LYSMD1: variants seen among roughly 807,000 people sequenced by gnomAD.
LYSMD1 encodes LysM domain containing 1.
In LYSMD1, 9 loss-of-function variants were observed where a neutral mutation model predicts 19.3. That is an observed-to-expected ratio of 0.47 (90% CI 0.28 to 0.81). LYSMD1 has a LOEUF of 0.81. Among genes scored for constraint, LYSMD1 ranks in the 40% least tolerant of loss-of-function variants. The pLI is 0.11. For synonymous variants in LYSMD1, 111 were observed against 111.7 expected (o/e 0.99, Z 0.04); for missense variants, 262 against 279.8 (o/e 0.94, Z 0.45).
In LYSMD1 at chr1:151,162,057, G is replaced by C; in HGVS notation, c.224C>G (p.Ser75Cys). Residue 75 changes from serine to cysteine, a missense_variant, in exon 2 of 3, where the codon TCC becomes TGC. Physicochemically the swap from Ser to Cys is moderately radical, Grantham distance 112 (BLOSUM62 -1). Transcript: ENST00000368908. ...GTAGAGGGTTTTCTTCAGGAAGATG[G>C]AGTCATTAGTATAAAGGCGGTTTGC... Reference protein sequence around the residue: ...KRANRLYTNDSIFLKKTLYIP... With the variant: ...KRANRLYTNDCIFLKKTLYIP... 6.2e-7 allele frequency: 1 copy of C among 1,611,678 alleles called. No homozygotes were observed. The highest frequency in any genetic ancestry group is 8.5e-7 in the Non-Finnish European group (1 of 1,179,466).
At chr1:151,163,589 C>T (rs979955409) in intron 1 of LYSMD1, among the ~76,000 whole-genome samples, 36 of 151,868 alleles carry the variant, frequency 2.4e-4, no homozygotes, top group Non-Finnish European at 2.9e-4. Flanking sequence ...AGTGTAGTGG[C>T]GCGATCTCGG....
In LYSMD1 at chr1:151,161,861, T is replaced by C. The variant is rs1572067417; in HGVS notation, c.420A>G (p.Thr140=). 1.9e-6 allele frequency: 3 copies of C among 1,613,944 alleles called. No homozygotes were observed. The highest frequency in any genetic ancestry group is 2.5e-6 in the Non-Finnish European group (3 of 1,179,976). ...TGGGCGTGGGGGTTTCCTGGCCAGG[T>C]GTGGGGAGGACTTCACCATTGGCAC... is the stretch of plus-strand genomic sequence containing the variant. ...AGRANGEVLP[T]PGQETPTPIH... The change falls in exon 2 of 3, where the codon ACA becomes ACG. Residue 140 remains threonine, a synonymous_variant. Transcript: ENST00000368908.
rs57906452 is a variant in LYSMD1 at position 151,163,878 on chromosome 1, TTGTG to T, written c.180+1197_180+1200del. ...TTTAATCTTTTCTGATTTCCTATCTTTGTGTGTGTGTGTGTGTGTGTGTGTGTGT... is the reference window on the plus strand; with the variant it reads ...TTTAATCTTTTCTGATTTCCTATCTTTGTGTGTGTGTGTGTGTGTGTGTGT... On this transcript the variant is annotated intron_variant, in intron 1 of 2. Coordinates refer to ENST00000368908, the MANE Select transcript of LYSMD1 (RefSeq NM_212551.5). 5.2e-3 allele frequency among the ~76,000 whole-genome samples: 735 copies of T among 142,014 alleles called. 6 individuals are homozygous for T. The highest frequency in any genetic ancestry group is 0.014 in the African/African-American group (558 of 38,954). 93.2% of individuals were successfully genotyped at this position (142,014 alleles called of 152,430 possible). A position where few individuals can be genotyped will look rare whatever the true frequency, so the allele number is the denominator to read the frequency against.
At chr1:151,151,786 G>A in the LYSMD1 span, among the ~76,000 whole-genome samples, 3 of 151,626 alleles carry the variant, frequency 2.0e-5, no homozygotes, top group Non-Finnish European at 2.9e-5. Flanking sequence ...AAAATTAGCC[G>A]GGCATGGTGG....
downstream of LYSMD1, among the ~76,000 whole-genome samples, chr1:151,156,066 C>A (rs1683210267): frequency 7.1e-6 from 1 of 141,448 alleles, no homozygotes; most frequent in South Asian, 2.2e-4. Flanking sequence ...CCCCATTGCA[C>A]TCCAGCCTGG....
At chr1:151,158,656 T>C (rs1373814674), downstream of LYSMD1, 1 of 1,499,034 alleles carries the variant, frequency 6.7e-7, no homozygotes, top group East Asian at 2.3e-5. Flanking sequence ...GCCTGTGGCC[T>C]TTCTTCTAGT....
downstream of LYSMD1, among the ~76,000 whole-genome samples, chr1:151,156,100 CA>C (rs751524835): frequency 4.8e-3 from 183 of 38,122 alleles, 1 homozygote; most frequent in South Asian, 0.035. Context: ...AACTCTGTCT[CA>C]AAAAAAAAAA....
Position 151,160,920 on chromosome 1 carries a change from T to A in LYSMD1, c.646A>T (p.Thr216Ser). Residue 216 changes from threonine (T) to serine (S), a missense_variant, in exon 3 of 3, where the codon ACA (threonine) becomes TCA (serine). Transcript: ENST00000368908. ...VPLTRTSRTR[T>S]LRDQEDEIFK... ...ATTTCATCCTCCTGGTCCCGTAGTG[T>A]CCGGGTCCGAGAGGTACGGGTCAGC... 1.2e-6 allele frequency: 2 copies of A among 1,614,206 alleles called. No individual in the cohort carries two copies. Among genetic ancestry groups the A allele is most frequent in the Non-Finnish European group, 1.7e-6 (2 of 1,180,024 alleles).
At position 151,160,862 on chromosome 1, in the gene LYSMD1, C is replaced by T. The variant is rs1414863616; in HGVS notation, c.*20G>A. ...GTTTCTCTTTCAACATCTTGCTTCT[C>T]TCAGTCAGTTCTGGGGACATCAGAG... On this transcript the variant is annotated 3_prime_UTR_variant, in exon 3 of 3. Coordinates refer to ENST00000368908, the MANE Select transcript of LYSMD1 (RefSeq NM_212551.5). The T allele has an allele frequency of 6.2e-7, 1 of 1,606,040 alleles. No homozygotes were observed.
At chr1:151,153,276 GT>G in the LYSMD1 span, among the ~76,000 whole-genome samples, 1 of 152,160 alleles carries the variant, frequency 6.6e-6, no homozygotes, top group Non-Finnish European at 1.5e-5. Context: ...CAGGAGGTCT[GT>G]TTGAGTCCAG....
chr1:151,151,249 T>G, the LYSMD1 span, among the ~76,000 whole-genome samples: 1 of 151,986 alleles, frequency 6.6e-6, no homozygotes, highest in Non-Finnish European at 1.5e-5. Context: ...TAGAGTGCAG[T>G]GGCTCACTCG....
chr1:151,159,279 T>G (rs1372656490), downstream of LYSMD1: 4 of 1,584,248 alleles, frequency 2.5e-6, no homozygotes, highest in East Asian at 6.8e-5. Context: ...ACATTCCACC[T>G]TGACAAAATG....
At chr1:151,155,659 T>A (rs191879854), downstream of LYSMD1, among the ~76,000 whole-genome samples, 2 of 152,242 alleles carry the variant, frequency 1.3e-5, no homozygotes, top group East Asian at 3.9e-4. Context: ...AAGGCTGCAG[T>A]CAGCTGTGAT....
chr1:151,160,823 C>T lies in LYSMD1; in HGVS notation c.*59G>A. Reference sequence around the variant, plus strand: ...ATGTTCTTGAGCCTCACCTCAGGCTCCTCTCCCCCTGAAGTTTCTCTTTCA... The same window carrying T: ...ATGTTCTTGAGCCTCACCTCAGGCTTCTCTCCCCCTGAAGTTTCTCTTTCA... On this transcript the variant is annotated 3_prime_UTR_variant, in exon 3 of 3. Coordinates refer to ENST00000368908, the MANE Select transcript of LYSMD1 (RefSeq NM_212551.5). 1 of 1,575,042 alleles carries T rather than the reference C, an allele frequency of 6.3e-7. No homozygotes were observed. Among genetic ancestry groups the T allele is most frequent in the Non-Finnish European group, 8.7e-7 (1 of 1,149,412 alleles).
the LYSMD1 span, among the ~76,000 whole-genome samples, chr1:151,152,699 CATAA>C: frequency 9.9e-5 from 15 of 152,032 alleles, no homozygotes; most frequent in African/African-American, 2.9e-4. Flanking sequence ...GACTCGATCT[CATAA>C]ATAAATAAAT....
downstream of LYSMD1, among the ~76,000 whole-genome samples, chr1:151,157,842 GCTT>G (rs1464768055): frequency 6.6e-6 from 1 of 152,170 alleles, no homozygotes; most frequent in African/African-American, 2.4e-5. Context: ...GGATGCTTAT[GCTT>G]CTTACTTTAA....
downstream of LYSMD1, chr1:151,159,453 T>A (rs1683357598): frequency 1.8e-6 from 1 of 570,612 alleles, no homozygotes; most frequent in Admixed American, 3.1e-5. Context: ...GGGTGAGGCC[T>A]CTCTCCCACT....
intron 1 of LYSMD1, 143 bp from the exon 2 acceptor site, chr1:151,162,243 T>A: frequency 1.2e-6 from 1 of 817,774 alleles, no homozygotes; most frequent in Non-Finnish European, 1.8e-6. Flanking sequence ...ATTTCTATTC[T>A]ATAGATGAGT....
downstream of LYSMD1, chr1:151,159,189 C>T: frequency 6.2e-7 from 1 of 1,614,228 alleles, no homozygotes; most frequent in Non-Finnish European, 8.5e-7. Flanking sequence ...GGCCTGACTT[C>T]ACTCAGCACC....
Sources: allele counts gnomAD v4.1 joint callset (sites outside exome capture counted in the v4.1 genomes callset), GRCh38; gene constraint gnomAD v4.1.1; transcripts MANE v1.5; gene names NCBI Gene and HGNC (gene_info 2026-07-23, HGNC 2026-07-21).